Variants in ADGRB3 observed in about 807,000 individuals in gnomAD.
ADGRB3 encodes the protein adhesion G protein-coupled receptor B3, also known as brain-specific angiogenesis inhibitor 3.
In ADGRB3, 37 loss-of-function variants were observed where a neutral mutation model predicts 193.4. The observed-to-expected ratio is 0.19, with a 90% CI of 0.15 to 0.25. The LOEUF is 0.25. Among genes scored for constraint, ADGRB3 ranks in the 10% least tolerant of loss-of-function variants. The pLI, the probability that ADGRB3 is intolerant of heterozygous loss-of-function variation, is 1.00. For synonymous variants in ADGRB3, 690 were observed against 644.2 expected, an observed-to-expected ratio of 1.07 and a Z score of -1.08; for missense variants, 1,637 against 1,852.9, an observed-to-expected ratio of 0.88 and a Z score of 2.14.
Position 68,938,677 on chromosome 6 carries a change from A to T in ADGRB3, c.1030+1997A>T, listed in dbSNP as rs192033494. 3.0e-3 allele frequency among the ~76,000 whole-genome samples: 463 copies of T among 152,100 alleles called. 2 individuals are homozygous for T. The highest frequency in any genetic ancestry group is 0.019 in the South Asian group (90 of 4,822). ...TGTGATTACATATCATTTGACCAAC[A>T]TGTTTTAGAAATGAAATCTTCATAC... is the stretch of plus-strand genomic sequence containing the variant. On this transcript the variant is annotated intron_variant, in intron 5 of 31. Transcript: ENST00000370598.
intron 3 of ADGRB3, among the ~76,000 whole-genome samples, chr6:68,886,434 A>G (rs1425238315): frequency 8.5e-5 from 13 of 152,144 alleles, no homozygotes; most frequent in Admixed American, 8.5e-4. Context: ...CCAGAAAGTA[A>G]AAGTAGAAAA....
chr6:69,085,868 G>T (rs1383065774), intron 17 of ADGRB3, among the ~76,000 whole-genome samples: 2 of 151,540 alleles, frequency 1.3e-5, no homozygotes, highest in Admixed American at 1.3e-4. Flanking sequence ...GTAAAGATAA[G>T]ATAAATTTAA....
At chr6:68,967,880 G>C (rs1264041294) in intron 8 of ADGRB3, among the ~76,000 whole-genome samples, 1 of 152,144 alleles carries the variant, frequency 6.6e-6, no homozygotes, top group South Asian at 2.1e-4. Flanking sequence ...CATGAGTCAT[G>C]CAGACATGTT....
At chr6:68,637,013 G>GT (rs200612858) in intron 1 of ADGRB3, among the ~76,000 whole-genome samples, 320 of 142,744 alleles carry the variant, frequency 2.2e-3, no homozygotes, top group Middle Eastern at 7.3e-3. Flanking sequence ...AACTTTCTCT[G>GT]TTTTTTTTTA....
rs752625602 is a variant in ADGRB3, at chr6:68,840,369, C to CTTTTTTTTTT, written c.758-90160_758-90151dup. ...GCAGTGGAGTAAGGCACTGGGCAGT[C>CTTTTTTTTTT]TTTTTTTTTTTTTTTTTTTTTTTTT... On this transcript the variant is annotated intron_variant, in intron 3 of 31. Transcript: ENST00000370598. Among the ~76,000 whole-genome samples, 125 of 69,422 alleles carry CTTTTTTTTTT rather than the reference C, an allele frequency of 1.8e-3. 18 individuals are homozygous for CTTTTTTTTTT. Among genetic ancestry groups the CTTTTTTTTTT allele is most frequent in the African/African-American group, 2.8e-3 (38 of 13,412 alleles). The allele number at this position is 69,422 out of a possible 152,430, so 45.5% of individuals were successfully genotyped here. A position where few individuals can be genotyped will look rare whatever the true frequency, so the allele number is the denominator to read the frequency against.
intron 8 of ADGRB3, among the ~76,000 whole-genome samples, chr6:68,957,470 T>G (rs1167856619): frequency 2.0e-5 from 3 of 152,154 alleles, no homozygotes; most frequent in African/African-American, 7.2e-5. Flanking sequence ...TAGAATGAGA[T>G]CCTAAGAAAA....
At chr6:68,687,940 G>A (rs924985420) in intron 3 of ADGRB3, among the ~76,000 whole-genome samples, 4 of 152,138 alleles carry the variant, frequency 2.6e-5, no homozygotes, top group African/African-American at 9.7e-5. Flanking sequence ...AGGTACACTA[G>A]GTTTTAGTAG....
intron 3 of ADGRB3, among the ~76,000 whole-genome samples, chr6:68,829,766 TA>T (rs1767918817): frequency 6.6e-6 from 1 of 152,200 alleles, no homozygotes; most frequent in Non-Finnish European, 1.5e-5. Flanking sequence ...AAAATCAAAT[TA>T]TTCAGGTTAT....
intron 15 of ADGRB3, among the ~76,000 whole-genome samples, chr6:69,060,204 CTG>C (rs756499688): frequency 1.6e-4 from 24 of 146,066 alleles, no homozygotes; most frequent in African/African-American, 2.8e-4. Flanking sequence ...CTCTCTTTCT[CTG>C]TCTCTCTCTC....
intron 29 of ADGRB3, among the ~76,000 whole-genome samples, chr6:69,368,747 T>C (rs1562001391): frequency 6.6e-6 from 1 of 151,946 alleles, no homozygotes; most frequent in Non-Finnish European, 1.5e-5. Context: ...CATGAGAAAA[T>C]TATTAACTTT....
chr6:69,145,906 A>C (rs958859751), intron 17 of ADGRB3, among the ~76,000 whole-genome samples: 2 of 152,006 alleles, frequency 1.3e-5, no homozygotes, highest in Non-Finnish European at 2.9e-5. Flanking sequence ...GGTTTTATGC[A>C]CTTCAGAAGG....
chr6:68,744,361 A>G (rs1193624771), intron 3 of ADGRB3, among the ~76,000 whole-genome samples: 1 of 152,178 alleles, frequency 6.6e-6, no homozygotes, highest in African/African-American at 2.4e-5. Context: ...TAGAAATCCC[A>G]TTTGACCCAG....
At chr6:68,994,387 A>G (rs140301960) in intron 11 of ADGRB3, among the ~76,000 whole-genome samples, 7 of 152,312 alleles carry the variant, frequency 4.6e-5, no homozygotes, top group African/African-American at 9.6e-5. Context: ...GGATTTTGCT[A>G]TTAGTGGGGG....
chr6:68,984,440 C>T (rs923192081), intron 10 of ADGRB3, among the ~76,000 whole-genome samples: 9 of 151,972 alleles, frequency 5.9e-5, no homozygotes, highest in Middle Eastern at 3.4e-3. Context: ...ATATGGGAGT[C>T]GGAAACTCAG....
intron 3 of ADGRB3, among the ~76,000 whole-genome samples, chr6:68,882,243 G>C (rs1187500224): frequency 6.6e-6 from 1 of 152,174 alleles, no homozygotes; most frequent in East Asian, 1.9e-4. Context: ...AATATATTTA[G>C]ATTGTAGAGT....
At chr6:69,183,602 A>T (rs1764995520) in intron 17 of ADGRB3, among the ~76,000 whole-genome samples, 2 of 152,016 alleles carry the variant, frequency 1.3e-5, no homozygotes, top group African/African-American at 4.8e-5. Context: ...CTCAGAACAC[A>T]TGGCCAGATT....
chr6:68,913,782 T>G (rs147672290), intron 3 of ADGRB3, among the ~76,000 whole-genome samples: 4,937 of 152,030 alleles, frequency 0.032, 251 homozygotes, highest in African/African-American at 0.11. Flanking sequence ...GGCAAAGAAG[T>G]TAAAAACTTT....
chr6:68,801,740 A>T (rs1018274138), intron 3 of ADGRB3, among the ~76,000 whole-genome samples: 9 of 152,134 alleles, frequency 5.9e-5, no homozygotes, highest in Non-Finnish European at 1.2e-4. Context: ...TCCTATATCC[A>T]GATACCAAGA....
chr6:68,982,264 T>C (rs1768940241), intron 10 of ADGRB3, among the ~76,000 whole-genome samples: 1 of 152,188 alleles, frequency 6.6e-6, no homozygotes, highest in Non-Finnish European at 1.5e-5. Flanking sequence ...TGTCAGACAT[T>C]GCATAAAATA....
Sources: gnomAD v4.1 joint callset for allele counts (sites outside exome capture counted in the v4.1 genomes callset) on GRCh38, gnomAD v4.1.1 for gene constraint, MANE v1.5 for transcripts, NCBI Gene and HGNC (gene_info 2026-07-23, HGNC 2026-07-21) for gene names.